GSTCD: variants seen among roughly 807,000 people sequenced by gnomAD.
GSTCD encodes glutathione S-transferase C-terminal domain containing, also known as glutathione S-transferase C-terminal domain-containing protein.
In GSTCD, 44 loss-of-function variants were observed where a neutral mutation model predicts 68.3. The observed-to-expected ratio is 0.64, with a 90% CI of 0.51 to 0.83. The LOEUF (loss-of-function observed/expected upper bound fraction) is 0.83, where lower values mean the gene tolerates loss of function less well. Among genes scored for constraint, GSTCD ranks in the 40% least tolerant of loss-of-function variants. GSTCD has a pLI of 0.00. For synonymous variants in GSTCD, 273 were observed against 255.2 expected (o/e 1.07, Z -0.67); for missense variants, 739 against 735.9 (o/e 1.00, Z -0.05).
At chr4:105,753,018 T>C (rs1285267738) in intron 5 of GSTCD, among the ~76,000 whole-genome samples, 1 of 152,086 alleles carries the variant, frequency 6.6e-6, no homozygotes, top group Non-Finnish European at 1.5e-5. Context: ...TAGCAGCATC[T>C]GCATTATCTT....
At chr4:105,732,930 C>T (rs1383121444) in intron 5 of GSTCD, among the ~76,000 whole-genome samples, 1 of 152,160 alleles carries the variant, frequency 6.6e-6, no homozygotes, top group African/African-American at 2.4e-5. Context: ...CTTTATTCTG[C>T]CTTCATTTCG....
At chr4:105,744,328 T>C (rs530061602) in intron 5 of GSTCD, among the ~76,000 whole-genome samples, 1 of 152,342 alleles carries the variant, frequency 6.6e-6, no homozygotes, top group Middle Eastern at 3.4e-3. Context: ...TAATAAGTAA[T>C]TTGTAGAGAG....
rs186240791 is a variant in GSTCD, at chr4:105,720,898, T to G, written c.894+1371T>G. On this transcript the variant is annotated intron_variant, in intron 3 of 11. Transcript: ENST00000515279. ...CATATCCATTCCTTTATTGAAGAAA[T>G]TTATTAAAATTATTTGAATACATAA... Among the ~76,000 whole-genome samples the G allele has an allele frequency of 2.7e-3, 408 of 152,294 alleles. 4 individuals carry two copies. The highest frequency in any genetic ancestry group is 9.1e-3 in the African/African-American group (380 of 41,562).
chr4:105,709,112 G>C (rs1365678055), intron 1 of GSTCD, 96 bp downstream of exon 1: 3 of 152,348 alleles, frequency 2.0e-5, no homozygotes, highest in Non-Finnish European at 2.9e-5. Flanking sequence ...GGATGCGGGG[G>C]AAGGGTGGGA....
intron 5 of GSTCD, among the ~76,000 whole-genome samples, chr4:105,799,693 A>G (rs1159873198): frequency 6.6e-6 from 1 of 152,158 alleles, no homozygotes; most frequent in Non-Finnish European, 1.5e-5. Context: ...ACAGATCTCC[A>G]TAACAGATAT....
chr4:105,791,175 C>T (rs1735651805), intron 5 of GSTCD, among the ~76,000 whole-genome samples: 1 of 151,816 alleles, frequency 6.6e-6, no homozygotes, highest in Admixed American at 6.6e-5. Context: ...GGGCGGATCA[C>T]GAGGTCAGAA....
intron 5 of GSTCD, among the ~76,000 whole-genome samples, chr4:105,746,845 A>G (rs1381764909): frequency 6.6e-6 from 1 of 152,210 alleles, no homozygotes; most frequent in Non-Finnish European, 1.5e-5. Flanking sequence ...AAAATATAAA[A>G]CAAGGTAGTG....
intron 5 of GSTCD, among the ~76,000 whole-genome samples, chr4:105,783,188 A>C (rs571889426): frequency 6.6e-6 from 1 of 152,296 alleles, no homozygotes; most frequent in African/African-American, 2.4e-5. Context: ...TCTTCAGGAA[A>C]TTGAACTTTT....
chr4:105,768,251 C>G (rs1424723196), intron 5 of GSTCD, among the ~76,000 whole-genome samples: 1 of 151,938 alleles, frequency 6.6e-6, no homozygotes, highest in Non-Finnish European at 1.5e-5. Context: ...AGGATGGTCT[C>G]GATCTCCTGA....
At chr4:105,790,084 C>A (rs568322948) in intron 5 of GSTCD, among the ~76,000 whole-genome samples, 1 of 151,978 alleles carries the variant, frequency 6.6e-6, no homozygotes. Context: ...ACTAGTTTTG[C>A]TTTTCTACTC....
intron 5 of GSTCD, among the ~76,000 whole-genome samples, chr4:105,734,018 A>C (rs1366941375): frequency 1.3e-5 from 2 of 151,848 alleles, no homozygotes; most frequent in African/African-American, 4.8e-5. Context: ...ATTGGCCCCC[A>C]CTCTCTTCTG....
intron 1 of GSTCD, among the ~76,000 whole-genome samples, chr4:105,714,185 C>G (rs1339470511): frequency 1.3e-5 from 2 of 152,070 alleles, no homozygotes; most frequent in Non-Finnish European, 2.9e-5. Flanking sequence ...ATTGGCACGT[C>G]CAGGAAAGAG....
chr4:105,729,300 T>C, intron 4 of GSTCD, 106 bp from the exon 5 acceptor site: 1 of 508,892 alleles, frequency 2.0e-6, no homozygotes. Context: ...ATTATTACTA[T>C]TTATCCTCCT....
rs769871881 is a variant in GSTCD at position 105,717,631 on chromosome 4, A to G, written c.18A>G (p.Lys6=). The part of the protein sequence containing the change: MKAIK[K]SLTEEEYLYL... Reference sequence around the variant, plus strand: ...AGAAGAAAATGAAAGCCATAAAGAAAAGTCTTACAGAAGAAGAATACCTGT... The same window carrying G: ...AGAAGAAAATGAAAGCCATAAAGAAGAGTCTTACAGAAGAAGAATACCTGT... The change falls in exon 2 of 12, where the codon AAA becomes AAG. Residue 6 remains lysine, a synonymous_variant. Transcript: ENST00000515279. 67 of 1,564,870 alleles carry G rather than the reference A, an allele frequency of 4.3e-5. No homozygotes were observed. The highest frequency in any genetic ancestry group is 5.4e-5 in the Non-Finnish European group (63 of 1,162,416).
chr4:105,777,925 A>G (rs1172584626), intron 5 of GSTCD, among the ~76,000 whole-genome samples: 3 of 152,146 alleles, frequency 2.0e-5, no homozygotes, highest in Non-Finnish European at 4.4e-5. Flanking sequence ...CAAATCACTC[A>G]GTGTTTTGGA....
At chr4:105,829,582 G>A (rs1050296102) in intron 8 of GSTCD, among the ~76,000 whole-genome samples, 1 of 152,098 alleles carries the variant, frequency 6.6e-6, no homozygotes, top group African/African-American at 2.4e-5. Context: ...TTTATAAAAC[G>A]ATCAGATTTC....
intron 5 of GSTCD, among the ~76,000 whole-genome samples, chr4:105,818,722 A>T (rs1326895473): frequency 6.6e-6 from 1 of 151,794 alleles, no homozygotes; most frequent in Non-Finnish European, 1.5e-5. Context: ...TGGTGAGCAT[A>T]GTGCATCAGG....
chr4:105,841,783 G>A (rs1203100117), intron 10 of GSTCD, among the ~76,000 whole-genome samples: 1 of 152,156 alleles, frequency 6.6e-6, no homozygotes, highest in African/African-American at 2.4e-5. Context: ...TCTGGGAGAC[G>A]AAGGTTGCAG....
intron 5 of GSTCD, among the ~76,000 whole-genome samples, chr4:105,794,823 T>C (rs527607938): frequency 2.1e-4 from 30 of 140,014 alleles, no homozygotes; most frequent in Admixed American, 1.1e-3. Context: ...ATTTCTGCTT[T>C]TATCTATCTA....
Sources: allele counts gnomAD v4.1 joint callset (sites outside exome capture counted in the v4.1 genomes callset), GRCh38; gene constraint gnomAD v4.1.1; transcripts MANE v1.5; gene names NCBI Gene and HGNC (gene_info 2026-07-23, HGNC 2026-07-21).